DEPTOR: variants seen among roughly 807,000 people sequenced by gnomAD.
DEPTOR encodes the protein DEP domain-containing mTOR-interacting protein.
DEPTOR carries 41 observed loss-of-function variants against 41.6 expected under a neutral mutation model. That is an observed-to-expected ratio of 0.98 (90% CI 0.77 to 1.28). The LOEUF is 1.28. Among genes scored for constraint, DEPTOR ranks in the 50% most tolerant of loss-of-function variants. The pLI, the probability that DEPTOR is intolerant of heterozygous loss-of-function variation, is 0.00. For missense variants in DEPTOR, 514 were observed against 527.9 expected (o/e 0.97, Z 0.26); for synonymous variants, 195 against 192.3 (o/e 1.01, Z -0.12).
At chr8:120,034,263 G>GCACA (rs1812939117) in intron 8 of DEPTOR, among the ~76,000 whole-genome samples, 1 of 58,900 alleles carries the variant, frequency 1.7e-5, no homozygotes, top group Non-Finnish European at 3.6e-5. Flanking sequence ...TGCAAAGCAT[G>GCACA]TACACACACA....
chr8:120,038,823 A>G (rs1156641417), intron 8 of DEPTOR, among the ~76,000 whole-genome samples: 1 of 152,156 alleles, frequency 6.6e-6, no homozygotes, highest in Non-Finnish European at 1.5e-5. Context: ...ACTTGGGCCA[A>G]TTACTTTACT....
In DEPTOR at chr8:119,873,803, T is replaced by G. The variant is rs1483439426; in HGVS notation, c.-44T>G. On this transcript the variant is annotated 5_prime_UTR_variant, in exon 1 of 9. Coordinates refer to ENST00000286234, the MANE Select transcript of DEPTOR (RefSeq NM_022783.4). Reference sequence around the variant, plus strand: ...CAGACTGATCCGAGCACCCAAACCCTCGGCGGACAGCGGAGCCAGTGGTAG... The same window carrying G: ...CAGACTGATCCGAGCACCCAAACCCGCGGCGGACAGCGGAGCCAGTGGTAG... 6.2e-7 allele frequency: 1 copy of G among 1,605,120 alleles called. No individual in the cohort carries two copies. The highest frequency in any genetic ancestry group is 2.3e-5 in the East Asian group (1 of 44,232).
rs146781930 is a variant in DEPTOR, at chr8:119,967,435, A to G, written c.604+2025A>G. 8.7e-3 allele frequency among the ~76,000 whole-genome samples: 1,322 copies of G among 151,904 alleles called. 25 individuals carry two copies. Among genetic ancestry groups the G allele is most frequent in the African/African-American group, 0.031 (1,266 of 41,418 alleles). ...CCAACGTAGGTCAGATAATTTCTTT[A>G]TGGCCTGTTTTTACACAGAAAGGCA... On this transcript the variant is annotated intron_variant, in intron 4 of 8. Transcript: ENST00000286234.
intron 3 of DEPTOR, among the ~76,000 whole-genome samples, chr8:119,952,123 G>A (rs956196062): frequency 1.7e-4 from 26 of 151,584 alleles, no homozygotes; most frequent in Non-Finnish European, 2.8e-4. Flanking sequence ...GCGACAGAGT[G>A]AAACTCTGTC....
intron 7 of DEPTOR, among the ~76,000 whole-genome samples, chr8:120,007,680 C>G (rs1481282351): frequency 6.6e-6 from 1 of 152,198 alleles, no homozygotes; most frequent in African/African-American, 2.4e-5. Context: ...TCTATCCACA[C>G]TCAGTCATGC....
At chr8:119,874,396 A>G (rs1368398066) in intron 1 of DEPTOR, 1 of 196,710 alleles carries the variant, frequency 5.1e-6, no homozygotes, top group Non-Finnish European at 1.0e-5. Context: ...CTCCTTGATA[A>G]AAGGAGCAAG....
At chr8:119,964,212 C>T (rs921042920) in intron 3 of DEPTOR, among the ~76,000 whole-genome samples, 1 of 152,142 alleles carries the variant, frequency 6.6e-6, no homozygotes, top group Admixed American at 6.5e-5. Flanking sequence ...ACTAGAGATT[C>T]ACCATATGTA....
chr8:120,031,273 C>T (rs1165806655), intron 8 of DEPTOR, among the ~76,000 whole-genome samples: 1 of 152,054 alleles, frequency 6.6e-6, no homozygotes, highest in Non-Finnish European at 1.5e-5. Flanking sequence ...TCAAGACCAG[C>T]CTAGGCAACA....
intron 8 of DEPTOR, among the ~76,000 whole-genome samples, chr8:120,034,615 T>A (rs1460339129): frequency 1.3e-5 from 2 of 151,576 alleles, no homozygotes; most frequent in African/African-American, 2.4e-5. Context: ...GCCTGGCTAA[T>A]TGTTTTGTAT....
At chr8:119,950,909 A>G (rs927520259) in intron 3 of DEPTOR, among the ~76,000 whole-genome samples, 6 of 151,938 alleles carry the variant, frequency 3.9e-5, no homozygotes, top group Non-Finnish European at 8.8e-5. Context: ...TGTTTCTTAT[A>G]TCTTTTAAAT....
chr8:119,874,307 C>T, intron 1 of DEPTOR: 1 of 324,672 alleles, frequency 3.1e-6, no homozygotes, highest in Non-Finnish European at 5.7e-6. Flanking sequence ...CCAGGCCTCC[C>T]GGCTGACAGC....
intron 1 of DEPTOR, among the ~76,000 whole-genome samples, chr8:119,906,522 C>T (rs574528186): frequency 1.3e-5 from 2 of 152,196 alleles, no homozygotes; most frequent in East Asian, 1.9e-4. Context: ...TCTAGCTGTG[C>T]ACCAATGGTT....
chr8:120,013,686 A>G (rs1812565785), intron 8 of DEPTOR, among the ~76,000 whole-genome samples: 1 of 152,180 alleles, frequency 6.6e-6, no homozygotes, highest in South Asian at 2.1e-4. Flanking sequence ...AGGATAGTGT[A>G]AAGTGCCTCA....
intron 1 of DEPTOR, among the ~76,000 whole-genome samples, chr8:119,920,479 C>T (rs1827875833): frequency 6.6e-6 from 1 of 152,086 alleles, no homozygotes; most frequent in Non-Finnish European, 1.5e-5. Flanking sequence ...AGAGGAGGTG[C>T]CCTTGAAAAG....
In DEPTOR at chr8:119,929,888, A is replaced by T; in HGVS notation, c.375A>T (p.Pro125=). The T allele has an allele frequency of 1.9e-6, 3 of 1,613,956 alleles. No homozygotes were observed. Among genetic ancestry groups the T allele is most frequent in the Non-Finnish European group, 2.5e-6 (3 of 1,179,886 alleles). ...YRFRKDDGTF[P]LDNEVKAFMR... ...TTAGAAAGGATGACGGCACCTTCCC[A>T]TTGGATAATGAAGTGAAGGCCTTTA... is the stretch of plus-strand genomic sequence containing the variant. Residue 125 remains proline (P), a synonymous_variant, in exon 3 of 9, where the codon CCA becomes CCT. Coordinates refer to ENST00000286234, the MANE Select transcript of DEPTOR (RefSeq NM_022783.4).
intron 4 of DEPTOR, among the ~76,000 whole-genome samples, chr8:119,968,689 A>G (rs1828594877): frequency 6.6e-6 from 1 of 152,190 alleles, no homozygotes; most frequent in South Asian, 2.1e-4. Flanking sequence ...TCAGAAGGTG[A>G]AGGCACCAAT....
chr8:119,918,973 A>ATG (rs1236182689), intron 1 of DEPTOR, among the ~76,000 whole-genome samples: 2 of 121,988 alleles, frequency 1.6e-5, no homozygotes, highest in East Asian at 2.0e-4. Context: ...GTGTATGTGT[A>ATG]TGTGTGTGTG....
At chr8:119,968,106 G>A (rs1204170734) in intron 4 of DEPTOR, among the ~76,000 whole-genome samples, 1 of 152,284 alleles carries the variant, frequency 6.6e-6, no homozygotes, top group African/African-American at 2.4e-5. Flanking sequence ...GCAGTTCATA[G>A]TATTGTCAGG....
chr8:119,918,022 T>C (rs1483959062), intron 1 of DEPTOR, among the ~76,000 whole-genome samples: 1 of 152,194 alleles, frequency 6.6e-6, no homozygotes, highest in Non-Finnish European at 1.5e-5. Context: ...CTGCTGACCC[T>C]CTCTCCACTA....
Sources: gnomAD v4.1 joint callset for allele counts (sites outside exome capture counted in the v4.1 genomes callset) on GRCh38, gnomAD v4.1.1 for gene constraint, MANE v1.5 for transcripts, NCBI Gene and HGNC (gene_info 2026-07-23, HGNC 2026-07-21) for gene names.